Variants in MAP2 observed in about 807,000 individuals in gnomAD.
MAP2 encodes microtubule-associated protein 2.
A neutral mutation model predicts 137.6 loss-of-function variants in MAP2; 14 were observed. That is an observed-to-expected ratio of 0.10 (90% confidence interval 0.07 to 0.16). The LOEUF is 0.16. Ranked by LOEUF, MAP2 falls within the 10% of genes least tolerant of loss-of-function variation. The probability of loss-of-function intolerance (pLI) is 1.00; values close to 1 mark genes in which losing one functional copy is unlikely to be tolerated. For synonymous variants in MAP2, 786 were observed against 782.3 expected (o/e 1.00, Z -0.08); for missense variants, 2,088 against 2,191.5 (o/e 0.95, Z 0.94).
chr2:209,640,037 A>G (rs2093891302), intron 4 of MAP2, among the ~76,000 whole-genome samples: 1 of 152,128 alleles, frequency 6.6e-6, no homozygotes. Context: ...AACAAAACAA[A>G]AACAAAAATG....
chr2:209,649,567 C>T (rs2094642153), intron 4 of MAP2, among the ~76,000 whole-genome samples: 1 of 152,040 alleles, frequency 6.6e-6, no homozygotes. Flanking sequence ...ATAGTGTCTC[C>T]TTTTGTTCAA....
chr2:209,429,534 T>A (rs536354899), intron 1 of MAP2, among the ~76,000 whole-genome samples: 1 of 152,296 alleles, frequency 6.6e-6, no homozygotes, highest in Admixed American at 6.5e-5. Context: ...ATTAATTTAA[T>A]TTTAAGTAAA....
chr2:209,588,165 T>C (rs1579348249), intron 3 of MAP2, among the ~76,000 whole-genome samples: 2 of 152,216 alleles, frequency 1.3e-5, no homozygotes, highest in East Asian at 3.8e-4. Flanking sequence ...TGGTCTTCTT[T>C]GCATCATCAA....
At position 209,453,797 on chromosome 2, in the gene MAP2, T is replaced by G. The variant is rs1168976422; in HGVS notation, c.-222+29521T>G. Among the ~76,000 whole-genome samples, 3 of 152,240 alleles carry G rather than the reference T, an allele frequency of 2.0e-5. No homozygotes were observed. In the East Asian group the frequency reaches 5.8e-4, roughly 29 times the overall value. ...TTTCTCACATGAGTCACTATCTTAA[T>G]GTGGACATGATTAGGGTACACAGAT... is the stretch of plus-strand genomic sequence containing the variant. On this transcript the variant is annotated intron_variant, in intron 1 of 15. Transcript: ENST00000682079.
chr2:209,481,719 T>C (rs2149835173), intron 1 of MAP2, among the ~76,000 whole-genome samples: 1 of 152,346 alleles, frequency 6.6e-6, no homozygotes, highest in Non-Finnish European at 1.5e-5. Flanking sequence ...CACTTAACTA[T>C]GAAGCCAGCT....
chr2:209,428,671 G>A (rs1022744494), intron 1 of MAP2, among the ~76,000 whole-genome samples: 4 of 151,592 alleles, frequency 2.6e-5, no homozygotes, highest in Non-Finnish European at 4.4e-5. Flanking sequence ...TCCTTCTCAA[G>A]GCTCCATCCC....
At chr2:209,664,895 G>A (rs969846953) in intron 5 of MAP2, among the ~76,000 whole-genome samples, 12 of 149,492 alleles carry the variant, frequency 8.0e-5, no homozygotes, top group Non-Finnish European at 1.6e-4. Flanking sequence ...AGGAGGCGGA[G>A]GTTGCATGCA....
chr2:209,513,659 C>T (rs1410152696), intron 2 of MAP2, among the ~76,000 whole-genome samples: 2 of 152,042 alleles, frequency 1.3e-5, no homozygotes, highest in Non-Finnish European at 2.9e-5. Flanking sequence ...CACCACAGAT[C>T]CAATACTTGT....
intron 2 of MAP2, among the ~76,000 whole-genome samples, chr2:209,556,194 C>T (rs1008721463): frequency 6.6e-6 from 1 of 151,892 alleles, no homozygotes; most frequent in Admixed American, 6.6e-5. Context: ...GCACATACCA[C>T]CATGCCCAGC....
rs575706962 is a variant in MAP2, at chr2:209,693,175, A to C, written c.1005A>C (p.Thr335=). The C allele has an allele frequency of 2.4e-4, 388 of 1,610,766 alleles. 4 individuals are homozygous for C. The South Asian group carries it at 3.9e-3, about 16-fold the overall frequency. ...PLDVMKNEIV[T]ETSPFAPAFL... ...ATGTCATGAAGAATGAAATAGTTACAGAAACATCGCCCTTTGCCCCTGCCT... is the reference window on the plus strand; with the variant it reads ...ATGTCATGAAGAATGAAATAGTTACCGAAACATCGCCCTTTGCCCCTGCCT... The change falls in exon 8 of 16, where the codon ACA becomes ACC. Residue 335 remains threonine (T), a synonymous_variant. Transcript: ENST00000682079.
intron 4 of MAP2, among the ~76,000 whole-genome samples, chr2:209,634,885 G>T (rs2093420715): frequency 6.6e-6 from 1 of 152,006 alleles, no homozygotes; most frequent in Non-Finnish European, 1.5e-5. Flanking sequence ...GAGAAAGCAA[G>T]CATTTTGCTT....
At chr2:209,472,137 T>A (rs1705905202) in intron 1 of MAP2, among the ~76,000 whole-genome samples, 1 of 152,192 alleles carries the variant, frequency 6.6e-6, no homozygotes, top group East Asian at 1.9e-4. Flanking sequence ...TGCTATGGGA[T>A]ACATAAAAAT....
intron 7 of MAP2, among the ~76,000 whole-genome samples, chr2:209,681,089 G>T (rs900029649): frequency 6.6e-6 from 1 of 152,172 alleles, no homozygotes; most frequent in Non-Finnish European, 1.5e-5. Flanking sequence ...TAAAATAACT[G>T]TAGAGACCCC....
intron 5 of MAP2, among the ~76,000 whole-genome samples, chr2:209,663,981 A>G (rs1418857284): frequency 2.0e-5 from 3 of 152,228 alleles, no homozygotes; most frequent in Non-Finnish European, 2.9e-5. Flanking sequence ...GAAATCTACC[A>G]TTAAAGATAA....
At chr2:209,432,726 T>C (rs1429297922) in intron 1 of MAP2, among the ~76,000 whole-genome samples, 1 of 152,132 alleles carries the variant, frequency 6.6e-6, no homozygotes, top group Non-Finnish European at 1.5e-5. Flanking sequence ...TTCTTATAAT[T>C]TCCATATACA....
At chr2:209,594,745 C>T (rs2080783066) in intron 3 of MAP2, among the ~76,000 whole-genome samples, 1 of 152,126 alleles carries the variant, frequency 6.6e-6, no homozygotes, top group Non-Finnish European at 1.5e-5. Context: ...CTTATTATTT[C>T]ATTGTTTTAC....
At chr2:209,698,661 C>T (rs942049742) in intron 10 of MAP2, among the ~76,000 whole-genome samples, 3 of 152,140 alleles carry the variant, frequency 2.0e-5, no homozygotes, top group Non-Finnish European at 1.5e-5. Context: ...CTTGTATATA[C>T]GCACACCTTG....
chr2:209,439,482 T>C (rs1162735071), intron 1 of MAP2, among the ~76,000 whole-genome samples: 1 of 151,566 alleles, frequency 6.6e-6, no homozygotes, highest in Non-Finnish European at 1.5e-5. Flanking sequence ...TTTCAGTATT[T>C]TTAAGGTGAG....
chr2:209,600,834 G>A (rs6733319), intron 3 of MAP2, among the ~76,000 whole-genome samples: 91,883 of 152,012 alleles, frequency 0.6, 32,110 homozygotes, highest in East Asian at 0.77. Flanking sequence ...CTTCTCTATA[G>A]GAGTAATGTC....
Sources: gnomAD v4.1 joint callset for allele counts (sites outside exome capture counted in the v4.1 genomes callset) on GRCh38, gnomAD v4.1.1 for gene constraint, MANE v1.5 for transcripts, NCBI Gene and HGNC (gene_info 2026-07-23, HGNC 2026-07-21) for gene names.